OTC: variants seen among roughly 807,000 people sequenced by gnomAD.
OTC encodes ornithine transcarbamylase, mitochondrial.
Under a neutral mutation model 30.3 loss-of-function variants are expected in OTC, and 3 were observed. That is an observed-to-expected ratio of 0.10 (90% CI 0.05 to 0.26). The LOEUF (loss-of-function observed/expected upper bound fraction) is 0.26. Ranked by LOEUF, OTC falls within the 10% of genes least tolerant of loss-of-function variation. The pLI, the probability that OTC is intolerant of heterozygous loss-of-function variation, is 1.00. For synonymous variants in OTC, 111 were observed against 99.7 expected (o/e 1.11, Z -0.67); for missense variants, 194 against 260.3 (o/e 0.75, Z 1.75).
intron 1 of OTC, among the ~76,000 whole-genome samples, chrX:38,365,828 A>T (rs1477092169): frequency 8.9e-6 from 1 of 112,166 alleles, no homozygotes; most frequent in African/African-American, 3.2e-5. Flanking sequence ...AGAACTTCCC[A>T]TGAAGCAATA....
At chrX:38,392,721 C>A (rs1003379978) in intron 4 of OTC, among the ~76,000 whole-genome samples, 1 of 111,712 alleles carries the variant, frequency 9.0e-6, no homozygotes, top group African/African-American at 3.3e-5. Flanking sequence ...GCTCCCTCTC[C>A]ACCCCCATAT....
At chrX:38,381,757 A>G (rs1368832380) in intron 4 of OTC, among the ~76,000 whole-genome samples, 1 of 112,224 alleles carries the variant, frequency 8.9e-6, no homozygotes, top group African/African-American at 3.2e-5. Flanking sequence ...TCAGTGGCTC[A>G]TAACTAGTTA....
intron 9 of OTC, 26 bp downstream of exon 9, chrX:38,412,025 A>T (rs369568396): frequency 5.8e-6 from 7 of 1,204,724 alleles, no homozygotes; most frequent in Non-Finnish European, 7.9e-6. Context: ...GGAATGGAGG[A>T]TAAGTTCTTT....
chrX:38,417,905 G>C (rs183608546), intron 9 of OTC, among the ~76,000 whole-genome samples: 54 of 111,960 alleles, frequency 4.8e-4, no homozygotes, highest in African/African-American at 1.7e-3. Flanking sequence ...CACTTAGGTT[G>C]ATTCCATATC....
At chrX:38,394,085 A>G (rs928301984) in intron 4 of OTC, among the ~76,000 whole-genome samples, 2 of 112,368 alleles carry the variant, frequency 1.8e-5, no homozygotes, top group Non-Finnish European at 3.8e-5. Context: ...CCTTTTGTCA[A>G]GTAAAGCAAT....
At chrX:38,390,833 G>C (rs541465050) in intron 4 of OTC, among the ~76,000 whole-genome samples, 108 of 111,914 alleles carry the variant, frequency 9.7e-4, no homozygotes, top group South Asian at 1.9e-3. Context: ...TTATTTTTTA[G>C]TGTTTGTTCA....
At chrX:38,332,530 A>G in the OTC span, among the ~76,000 whole-genome samples, 1 of 90,096 alleles carries the variant, frequency 1.1e-5, no homozygotes, top group Non-Finnish European at 2.2e-5. Flanking sequence ...ATATATATAT[A>G]TATCATATAA....
intron 1 of OTC, among the ~76,000 whole-genome samples, chrX:38,358,166 C>T (rs1056299757): frequency 7.2e-5 from 8 of 110,696 alleles, no homozygotes; most frequent in Non-Finnish European, 1.3e-4. Context: ...AGAATGAGGT[C>T]TCTAGGGGGA....
upstream of OTC, among the ~76,000 whole-genome samples, chrX:38,350,675 G>A (rs1036291930): frequency 1.8e-5 from 2 of 111,310 alleles, no homozygotes; most frequent in Admixed American, 1.9e-4. Flanking sequence ...GGGAGTTATT[G>A]GTATCTTAAC....
the OTC span, among the ~76,000 whole-genome samples, chrX:38,344,238 TATAC>T: frequency 6.9e-5 from 3 of 43,289 alleles, no homozygotes; most frequent in African/African-American, 1.9e-4. Context: ...GATATATATA[TATAC>T]ACACACACAC....
rs1388386866 is a variant in OTC at position 38,408,920 on chromosome X, G to T, written c.762G>T (p.Ala254=). ...LLLTNDPLEA[A]HGGNVLITDT... ...TGACAAATGATCCATTGGAAGCAGC[G>T]CATGGAGGCAATGTATTAATTACAG... Residue 254 remains alanine (A), a synonymous_variant, in exon 8 of 10, where the codon GCG becomes GCT. Coordinates refer to ENST00000039007, the MANE Select transcript of OTC (RefSeq NM_000531.6). The T allele has an allele frequency of 2.5e-6, 3 of 1,208,401 alleles. No homozygotes were observed. Among genetic ancestry groups the T allele is most frequent in the East Asian group, 3.0e-5 (1 of 33,729 alleles).
At chrX:38,343,301 T>C in the OTC span, among the ~76,000 whole-genome samples, 7 of 111,989 alleles carry the variant, frequency 6.3e-5, no homozygotes, top group African/African-American at 2.3e-4. Flanking sequence ...TTTGAACCTC[T>C]GTGATTTCCC....
At chrX:38,410,331 AAT>A (rs1316234590) in intron 8 of OTC, among the ~76,000 whole-genome samples, 1 of 111,907 alleles carries the variant, frequency 8.9e-6, no homozygotes, top group Non-Finnish European at 1.9e-5. Flanking sequence ...AATTTTTTAA[AAT>A]ATGAGAGTGC....
chrX:38,382,028 T>C (rs771084300), intron 4 of OTC, among the ~76,000 whole-genome samples: 2 of 112,127 alleles, frequency 1.8e-5, no homozygotes, highest in African/African-American at 3.2e-5. Flanking sequence ...GGACACTGGC[T>C]GAGAGTGATT....
the OTC span, among the ~76,000 whole-genome samples, chrX:38,332,214 A>G: frequency 4.4e-5 from 4 of 91,925 alleles, no homozygotes; most frequent in East Asian, 1.0e-3. Flanking sequence ...AAACAAGCTC[A>G]GGGCTCCCAC....
chrX:38,358,864 C>T (rs748902462), intron 1 of OTC, among the ~76,000 whole-genome samples: 14 of 109,876 alleles, frequency 1.3e-4, no homozygotes, highest in Non-Finnish European at 2.5e-4. Flanking sequence ...TCAGGTGATC[C>T]AGCTGCCTCA....
the OTC span, among the ~76,000 whole-genome samples, chrX:38,331,735 A>G: frequency 1.9e-5 from 2 of 106,822 alleles, no homozygotes; most frequent in African/African-American, 7.2e-5. Flanking sequence ...GGTACACACC[A>G]CCACACCCAG....
rs146149709 is a variant in OTC, at chrX:38,380,533, A to T, written c.299-809A>T. On this transcript the variant is annotated intron_variant, in intron 3 of 9. Transcript: ENST00000039007. The stretch of plus-strand genomic sequence containing the variant: ...ACCATCTCCCATAATTTTCCCCAGA[A>T]TGTGTGATGAAAGGGCTCCAGCCTG... 7.2e-5 allele frequency among the ~76,000 whole-genome samples: 8 copies of T among 111,540 alleles called. No homozygotes were observed. The East Asian group carries it at 2.0e-3, about 27-fold the overall frequency.
chrX:38,335,458 G>A, the OTC span, among the ~76,000 whole-genome samples: 35 of 112,612 alleles, frequency 3.1e-4, no homozygotes, highest in African/African-American at 1.1e-3. Flanking sequence ...TAATTAAGCT[G>A]CAGGCAGCCC....
Sources: allele counts gnomAD v4.1 joint callset (sites outside exome capture counted in the v4.1 genomes callset), GRCh38; gene constraint gnomAD v4.1.1; transcripts MANE v1.5; gene names NCBI Gene and HGNC (gene_info 2026-07-23, HGNC 2026-07-21).